Variants in DDX25 observed in about 807,000 individuals in gnomAD.
DDX25 encodes DEAD-box helicase 25.
DDX25 carries 70 observed loss-of-function variants against 64.6 expected under a neutral mutation model. The ratio of observed to expected loss-of-function variants is 1.08; its 90% confidence interval spans 0.89 to 1.32. The LOEUF (loss-of-function observed/expected upper bound fraction) is 1.32, where lower values mean the gene tolerates loss of function less well. Ranked by LOEUF, DDX25 falls within the 40% of genes most tolerant of loss-of-function variation. The pLI, the probability that DDX25 is intolerant of heterozygous loss-of-function variation, is 0.00. For missense variants in DDX25, 587 were observed against 604.4 expected, an observed-to-expected ratio of 0.97 and a Z score of 0.30; for synonymous variants, 211 against 213.3, an observed-to-expected ratio of 0.99 and a Z score of 0.09.
Position 125,908,400 on chromosome 11 carries a change from G to A in DDX25, c.405-1G>A. The A allele has an allele frequency of 6.2e-7, 1 of 1,613,866 alleles. No homozygotes were observed. The highest frequency in any genetic ancestry group is 8.5e-7 in the Non-Finnish European group (1 of 1,179,876). On this transcript the variant is annotated splice_acceptor_variant, in intron 5 of 11. Transcript: ENST00000263576. LOFTEE classifies it high-confidence loss of function. ...GCCCAGTGGTCTTCTCTTTTCTACAGACCCCAGAACCTCATAGCACAGAGC... is the reference window on the plus strand; with the variant it reads ...GCCCAGTGGTCTTCTCTTTTCTACAAACCCCAGAACCTCATAGCACAGAGC...
intron 8 of DDX25, 104 bp from the exon 9 acceptor site, chr11:125,916,910 C>T (rs1412070005): frequency 9.9e-6 from 11 of 1,110,634 alleles, no homozygotes; most frequent in Admixed American, 6.4e-5. Flanking sequence ...CAGCACCTCA[C>T]GTGGAACAGG....
chr11:125,910,459 T>C lies in DDX25; in HGVS notation c.603T>C (p.Tyr201=). Residue 201 remains tyrosine, a synonymous_variant, in exon 7 of 12, where the codon TAT becomes TAC. Coordinates refer to ENST00000263576, the MANE Select transcript of DDX25 (RefSeq NM_013264.5). Reference sequence around the variant, plus strand: ...TCTGTGTGGATGTTCAAGTGATGTATGCCATTCGAGGGAATCGAAGTATGT... The same window carrying C: ...TCTGTGTGGATGTTCAAGTGATGTACGCCATTCGAGGGAATCGAAGTATGT... The part of the protein sequence containing the change: ...GKFCVDVQVM[Y]AIRGNRIPRG... 6.2e-7 allele frequency: 1 copy of C among 1,614,016 alleles called. No individual in the cohort carries two copies. Among genetic ancestry groups the C allele is most frequent in the East Asian group, 2.2e-5 (1 of 44,880 alleles).
chr11:125,921,065 C>A lies in DDX25; in HGVS notation c.1202-126C>A. On this transcript the variant is annotated intron_variant, in intron 10 of 11. Transcript: ENST00000263576. This position sits in a 1 kb window ranked among gnomAD's most constrained non-coding sequence, Gnocchi z 4.1. Reference sequence around the variant, plus strand: ...CTAACCAAAGTACCTGTCTCAATTACATAAGCCCTGGTTGGATTTCTAAAT... The same window carrying A: ...CTAACCAAAGTACCTGTCTCAATTAAATAAGCCCTGGTTGGATTTCTAAAT... The A allele has an allele frequency of 1.0e-6, 1 of 968,432 alleles. No individual in the cohort carries two copies. The highest frequency in any genetic ancestry group is 1.5e-6 in the Non-Finnish European group (1 of 674,060). 60.0% of individuals were successfully genotyped at this position (968,432 alleles called of 1,614,324 possible). A position where few individuals can be genotyped will look rare whatever the true frequency, so the allele number is the denominator to read the frequency against.
At position 125,918,720 on chromosome 11, in the gene DDX25, A is replaced by C. The variant is rs1022792478; in HGVS notation, c.1131A>C (p.Arg377=). The change falls in exon 10 of 12, where the codon CGA becomes CGC. Residue 377 remains arginine, a synonymous_variant. Coordinates refer to ENST00000263576, the MANE Select transcript of DDX25 (RefSeq NM_013264.5). ...LLSGELTVEQ[R]ASIIQRFRDG... ...GCGGGGAGCTGACCGTGGAGCAGCG[A>C]GCTTCCATCATTCAGAGGTTTCGGG... The C allele has an allele frequency of 3.1e-6, 5 of 1,613,340 alleles. No homozygotes were observed. The African/African-American group carries it at 5.3e-5, about 17-fold the overall frequency.
At chr11:125,922,552 G>A (rs763492850) in intron 11 of DDX25, 2 of 355,544 alleles carry the variant, frequency 5.6e-6, no homozygotes, top group Non-Finnish European at 1.0e-5. Context: ...AGTGACTGCA[G>A]TAGAAGAGCC....
At chr11:125,907,491 C>A (rs541791468) in intron 4 of DDX25, among the ~76,000 whole-genome samples, 1 of 151,974 alleles carries the variant, frequency 6.6e-6, no homozygotes, top group Non-Finnish European at 1.5e-5. Flanking sequence ...GCCTGTAGTC[C>A]TAGCTACTCG....
Position 125,923,743 on chromosome 11 carries a change from A to T in DDX25, c.*862A>T, listed in dbSNP as rs1945142177. On this transcript the variant is annotated 3_prime_UTR_variant, in exon 12 of 12. Coordinates refer to ENST00000263576, the MANE Select transcript of DDX25 (RefSeq NM_013264.5). The stretch of plus-strand genomic sequence containing the variant: ...TATTTCCTACTCAAAAGTAAAGTGT[A>T]GTGAGCTTGAGAAGATGGGGTAAAT... 2 of 152,222 alleles carry T rather than the reference A, an allele frequency of 1.3e-5. No individual in the cohort carries two copies. Among genetic ancestry groups the T allele is most frequent in the South Asian group, 4.1e-4 (2 of 4,832 alleles). The allele number at this position is 152,222 out of a possible 1,614,324, so 9.4% of individuals were successfully genotyped here.
chr11:125,920,460 T>C (rs866537957), intron 10 of DDX25, among the ~76,000 whole-genome samples: 2 of 151,664 alleles, frequency 1.3e-5, no homozygotes, highest in South Asian at 4.1e-4. Context: ...AAAAAAGTTT[T>C]GCAGGAAGGG....
Position 125,906,153 on chromosome 11 carries a change from A to G in DDX25, c.255A>G (p.Leu85=). 2 of 1,551,416 alleles carry G rather than the reference A, an allele frequency of 1.3e-6. No individual in the cohort carries two copies. The highest frequency in any genetic ancestry group is 1.7e-4 in the Middle Eastern group (1 of 5,992). ...AATCCAGTCACCGTGTGGAAGTTTTACAGAAGGATCCCAGCTCTCCACTTT... is the reference window on the plus strand; with the variant it reads ...AATCCAGTCACCGTGTGGAAGTTTTGCAGAAGGATCCCAGCTCTCCACTTT... The part of the protein sequence containing the change: ...LVESSHRVEV[L]QKDPSSPLYS... The change falls in exon 4 of 12, where the codon TTA becomes TTG. Residue 85 remains leucine, a synonymous_variant. Transcript: ENST00000263576.
chr11:125,904,741 G>T (rs898924923), intron 1 of DDX25, 161 bp downstream of exon 1: 29 of 889,254 alleles, frequency 3.3e-5, no homozygotes, highest in Middle Eastern at 2.2e-4. Context: ...GCCACAGAGG[G>T]AGACCCCGTC....
At chr11:125,919,790 A>G (rs1945088747) in intron 10 of DDX25, among the ~76,000 whole-genome samples, 1 of 152,094 alleles carries the variant, frequency 6.6e-6, no homozygotes, top group Admixed American at 6.5e-5. Flanking sequence ...GCCTCTCTAC[A>G]CTGGCACTAT....
chr11:125,912,930 G>A (rs1334583869), intron 8 of DDX25, among the ~76,000 whole-genome samples: 1 of 151,968 alleles, frequency 6.6e-6, no homozygotes, highest in African/African-American at 2.4e-5. Context: ...GGCCGAGACG[G>A]GTGGATCACA....
In DDX25 at chr11:125,926,812, G is replaced by T. The variant is rs1435314456; in HGVS notation, c.*3931G>T. 1 of 152,310 alleles carries T rather than the reference G, an allele frequency of 6.6e-6. No individual in the cohort carries two copies. Among genetic ancestry groups the T allele is most frequent in the Non-Finnish European group, 1.5e-5 (1 of 68,130 alleles). 9.4% of individuals were successfully genotyped at this position (152,310 alleles called of 1,614,324 possible). The stretch of plus-strand genomic sequence containing the variant: ...TCCACACGCCTTGGCTTCCCAAAGT[G>T]CTGGGATTACAGGCATCAGCCACGG... On this transcript the variant is annotated 3_prime_UTR_variant, in exon 12 of 12. Transcript: ENST00000263576.
chr11:125,904,156 C>T (rs1124708), upstream of DDX25, among the ~76,000 whole-genome samples: 92,730 of 152,142 alleles, frequency 0.61, 28,445 homozygotes, highest in South Asian at 0.71. Flanking sequence ...GCGGGGAGTC[C>T]GGGGGGCTCC....
intron 9 of DDX25, 38 bp from the exon 10 acceptor site, chr11:125,918,590 T>A: frequency 6.3e-7 from 1 of 1,596,898 alleles, no homozygotes; most frequent in Non-Finnish European, 8.6e-7. Flanking sequence ...CTTTGCTTAA[T>A]CTTGGGGTGC....
chr11:125,918,567 C>T (rs930767972), intron 9 of DDX25, 61 bp from the exon 10 acceptor site: 20 of 1,559,568 alleles, frequency 1.3e-5, no homozygotes, highest in Non-Finnish European at 1.7e-5. Flanking sequence ...GTGTCACAAG[C>T]ACAGCTAGGC....
chr11:125,907,469 G>T (rs775566787), intron 4 of DDX25, among the ~76,000 whole-genome samples: 1 of 151,960 alleles, frequency 6.6e-6, no homozygotes, highest in Admixed American at 6.6e-5. Context: ...TTAGCCAGGT[G>T]TGGTGGCGGG....
chr11:125,905,396 T>C, intron 2 of DDX25, 118 bp downstream of exon 2: 1 of 1,329,994 alleles, frequency 7.5e-7, no homozygotes, highest in Non-Finnish European at 1.0e-6. Flanking sequence ...TTCAGCACTC[T>C]CCATTACCTT....
intron 2 of DDX25, 114 bp from the exon 3 acceptor site, chr11:125,905,439 A>T: frequency 7.5e-7 from 1 of 1,338,200 alleles, no homozygotes. Context: ...CCATGAAATG[A>T]CTCTTCTTGC....
Sources: gnomAD v4.1 joint callset for allele counts (sites outside exome capture counted in the v4.1 genomes callset) on GRCh38, gnomAD v4.1.1 for gene constraint, Gnocchi (gnomAD v3.1) non-coding constraint, MANE v1.5 for transcripts, NCBI Gene and HGNC (gene_info 2026-07-23, HGNC 2026-07-21) for gene names.